The following DCP1A variants were observed in gnomAD, a reference collection of about 807,000 sequenced individuals.
DCP1A encodes decapping mRNA 1A, also known as mRNA-decapping enzyme 1A.
In DCP1A, 20 loss-of-function variants were observed where a neutral mutation model predicts 58.0. The ratio of observed to expected loss-of-function variants is 0.34; its 90% CI spans 0.24 to 0.50. The LOEUF (loss-of-function observed/expected upper bound fraction) is 0.50. Among genes scored for constraint, DCP1A ranks in the 20% least tolerant of loss-of-function variants. The probability of loss-of-function intolerance (pLI) is 0.98; values close to 1 mark genes in which losing one functional copy is unlikely to be tolerated. For missense variants in DCP1A, 613 were observed against 712.2 expected (o/e 0.86, Z 1.59); for synonymous variants, 285 against 275.1 (o/e 1.04, Z -0.36).
chr3:53,292,558 G>A lies in DCP1A; in HGVS notation c.894C>T (p.Ser298=), dbSNP rs571745219. 1 of 1,613,982 alleles carries A rather than the reference G, an allele frequency of 6.2e-7. No individual in the cohort carries two copies. The highest frequency in any genetic ancestry group is 8.5e-7 in the Non-Finnish European group (1 of 1,179,886). The part of the protein sequence containing the change: ...ITTPVLITPA[S]ITQSNEKHAP... ...CATGCTTTTCATTGGACTGTGTGAT[G>A]GAGGCTGGAGTGATTAGCACCGGGG... The change falls in exon 7 of 10, where the codon TCC becomes TCT. Residue 298 remains serine, a synonymous_variant. Coordinates refer to ENST00000610213, the MANE Select transcript of DCP1A (RefSeq NM_018403.7).
intron 4 of DCP1A, among the ~76,000 whole-genome samples, chr3:53,313,937 T>C (rs186199347): frequency 3.1e-4 from 47 of 152,112 alleles, no homozygotes; most frequent in Admixed American, 6.5e-4. Context: ...GTTTGATATG[T>C]TGCCCTGGCT....
intron 7 of DCP1A, among the ~76,000 whole-genome samples, chr3:53,291,229 A>C (rs1468938717): frequency 6.6e-6 from 1 of 152,188 alleles, no homozygotes; most frequent in African/African-American, 2.4e-5. Flanking sequence ...GTATGTATTT[A>C]TGAGGTATAT....
chr3:53,340,464 G>C (rs764120045), intron 3 of DCP1A, among the ~76,000 whole-genome samples: 14 of 152,036 alleles, frequency 9.2e-5, no homozygotes, highest in African/African-American at 3.4e-4. Flanking sequence ...AGAACTTGGG[G>C]GTTTCTAGCT....
intron 4 of DCP1A, among the ~76,000 whole-genome samples, chr3:53,317,374 A>G (rs1553689369): frequency 1.3e-5 from 2 of 152,266 alleles, no homozygotes; most frequent in East Asian, 3.9e-4. Context: ...CATGTTGGTC[A>G]GGCTGGTCTC....
In DCP1A at chr3:53,346,046, T is replaced by C. The variant is rs546036334; in HGVS notation, c.136-1104A>G. On this transcript the variant is annotated intron_variant, in intron 1 of 9. Transcript: ENST00000610213. ...TCATATTTAAAACAGAACTCCACAA[T>C]GTAAAATTTTAAAATATTGAAAGCC... is the stretch of plus-strand genomic sequence containing the variant. 8.5e-5 allele frequency among the ~76,000 whole-genome samples: 13 copies of C among 152,258 alleles called. No individual in the cohort carries two copies. In the South Asian group the frequency reaches 2.1e-3, roughly 24 times the overall value.
intron 3 of DCP1A, among the ~76,000 whole-genome samples, chr3:53,328,776 T>C (rs782124341): frequency 5.9e-5 from 9 of 152,256 alleles, no homozygotes; most frequent in Non-Finnish European, 1.3e-4. Context: ...ACTCAGCCAC[T>C]GAGCCTTAAG....
chr3:53,314,623 C>T (rs187297764), intron 4 of DCP1A, among the ~76,000 whole-genome samples: 1 of 141,654 alleles, frequency 7.1e-6, no homozygotes, highest in East Asian at 2.1e-4. Context: ...ATCTGTGATT[C>T]TGTGATTATT....
intron 4 of DCP1A, among the ~76,000 whole-genome samples, chr3:53,312,790 C>A (rs952761354): frequency 6.6e-6 from 1 of 152,044 alleles, no homozygotes; most frequent in African/African-American, 2.4e-5. Context: ...CGCGCCCAGC[C>A]GATTACATTA....
rs1553685885 is a variant in DCP1A, at chr3:53,290,837, T to A, written c.1403A>T (p.Asp468Val). ...APLQSMQQNQDPEVFVQPKVL... is the reference protein window; with the variant it reads ...APLQSMQQNQVPEVFVQPKVL... ...CTTAGGCTGCACAAATACTTCAGGA[T>A]CCTGGTTCTGCTGCATAGACTGAAA... Residue 468 changes from aspartate (D) to valine (V), a missense_variant, in exon 8 of 10, where the codon GAT (aspartate) becomes GTT (valine). By Grantham distance (152) the Asp-to-Val change is radical. Coordinates refer to ENST00000610213, the MANE Select transcript of DCP1A (RefSeq NM_018403.7). The A allele has an allele frequency of 1.9e-6, 3 of 1,601,690 alleles. No individual in the cohort carries two copies. The African/African-American group carries it at 4.1e-5, about 22-fold the overall frequency.
intron 6 of DCP1A, among the ~76,000 whole-genome samples, chr3:53,293,993 G>T (rs1467895538): frequency 7.9e-5 from 12 of 152,162 alleles, no homozygotes; most frequent in Non-Finnish European, 1.8e-4. Flanking sequence ...ACTAGGAAGA[G>T]GAGTGAAACT....
intron 6 of DCP1A, among the ~76,000 whole-genome samples, chr3:53,301,405 G>A (rs1304627705): frequency 2.0e-5 from 3 of 151,886 alleles, no homozygotes; most frequent in Non-Finnish European, 2.9e-5. Flanking sequence ...CCGAATAGCT[G>A]GGATTCAGGT....
intron 8 of DCP1A, 21 bp downstream of exon 8, chr3:53,290,770 A>G: frequency 1.3e-6 from 2 of 1,508,102 alleles, no homozygotes; most frequent in Admixed American, 2.2e-5. Flanking sequence ...AAAAAAAAAA[A>G]AAAAAAAAGC....
intron 5 of DCP1A, 51 bp downstream of exon 5, chr3:53,312,190 C>T (rs1290913822): frequency 5.3e-6 from 8 of 1,512,398 alleles, no homozygotes; most frequent in Non-Finnish European, 7.1e-6. Flanking sequence ...AGACCTCCTC[C>T]TCCCGTTTTG....
chr3:53,300,814 A>G (rs1553687332), intron 6 of DCP1A, among the ~76,000 whole-genome samples: 1 of 150,958 alleles, frequency 6.6e-6, no homozygotes, highest in African/African-American at 2.4e-5. Flanking sequence ...CACCCGGCTA[A>G]TTTTTGTATT....
chr3:53,330,513 C>A (rs558546278), intron 3 of DCP1A, among the ~76,000 whole-genome samples: 2 of 150,290 alleles, frequency 1.3e-5, no homozygotes, highest in Non-Finnish European at 3.0e-5. Flanking sequence ...CAGAGTGAGA[C>A]CTTGTCTCAG....
chr3:53,312,160 C>T, intron 5 of DCP1A, 81 bp downstream of exon 5: 1 of 1,442,556 alleles, frequency 6.9e-7, no homozygotes, highest in African/African-American at 1.4e-5. Context: ...GCCAGCTTCC[C>T]TAGTAAAATA....
At chr3:53,329,473 T>C (rs782512253) in intron 3 of DCP1A, 37 of 398,068 alleles carry the variant, frequency 9.3e-5, no homozygotes, top group Non-Finnish European at 1.4e-4. Flanking sequence ...TAAATAGCAA[T>C]AATATTTAAC....
intron 1 of DCP1A, among the ~76,000 whole-genome samples, chr3:53,345,171 A>G (rs1002547633): frequency 6.6e-6 from 1 of 152,182 alleles, no homozygotes; most frequent in East Asian, 1.9e-4. Flanking sequence ...ATCCAGCAAC[A>G]TATCTGTATC....
rs2089273643 is a variant in DCP1A at position 53,344,885 on chromosome 3, A to G, written c.176+17T>C. ...ACTAGACTGTTAAAAACAAATATAC[A>G]TATTTTAAAAACTTACCTTCGATAT... On this transcript the variant is annotated intron_variant, in intron 2 of 9. Transcript: ENST00000610213. 3.8e-6 allele frequency: 6 copies of G among 1,561,978 alleles called. No homozygotes were observed. The highest frequency in any genetic ancestry group is 2.2e-5 in the East Asian group (1 of 44,518).
Sources: allele counts gnomAD v4.1 joint callset (sites outside exome capture counted in the v4.1 genomes callset), GRCh38; gene constraint gnomAD v4.1.1; transcripts MANE v1.5; gene names NCBI Gene and HGNC (gene_info 2026-07-23, HGNC 2026-07-21).